Variants in CDK13 observed in about 807,000 individuals in gnomAD.
CDK13 encodes the protein cyclin-dependent kinase 13.
CDK13 carries 40 observed loss-of-function variants against 137.6 expected under a neutral mutation model. That is an observed-to-expected ratio of 0.29 (90% confidence interval 0.23 to 0.38). The LOEUF (loss-of-function observed/expected upper bound fraction) is 0.38. CDK13 is among the 10% of genes least tolerant of loss of function. The probability of loss-of-function intolerance (pLI) is 1.00; values close to 1 mark genes in which losing one functional copy is unlikely to be tolerated. For missense variants in CDK13, 1,704 were observed against 1,951.8 expected, an observed-to-expected ratio of 0.87 and a Z score of 2.39; for synonymous variants, 869 against 760.1, an observed-to-expected ratio of 1.14 and a Z score of -2.36.
intron 1 of CDK13, among the ~76,000 whole-genome samples, chr7:39,967,391 C>T (rs1034351975): frequency 2.6e-5 from 4 of 151,926 alleles, no homozygotes; most frequent in Admixed American, 2.6e-4. Flanking sequence ...CGCGCCACGC[C>T]TCTGCACTCC....
intron 1 of CDK13, among the ~76,000 whole-genome samples, chr7:39,973,496 A>G (rs1784043894): frequency 6.6e-6 from 1 of 152,118 alleles, no homozygotes; most frequent in South Asian, 2.1e-4. Flanking sequence ...AGTTTTTTAT[A>G]CTGTCTATTC....
chr7:40,004,176 A>G (rs904886432), intron 5 of CDK13, among the ~76,000 whole-genome samples: 7 of 152,246 alleles, frequency 4.6e-5, no homozygotes, highest in Middle Eastern at 6.8e-3. Context: ...ACTTGTGAAT[A>G]TATTAATAGT....
intron 1 of CDK13, chr7:39,985,818 G>A (rs1354794330): frequency 1.3e-5 from 2 of 152,234 alleles, no homozygotes; most frequent in Non-Finnish European, 2.9e-5. Flanking sequence ...ACTAGCAGCA[G>A]AGAAGCCCAA....
intron 5 of CDK13, among the ~76,000 whole-genome samples, chr7:40,033,616 T>C (rs1358115469): frequency 6.6e-6 from 1 of 152,178 alleles, no homozygotes; most frequent in African/African-American, 2.4e-5. Context: ...AGTGTTCATG[T>C]TTTTGTCTTC....
intron 5 of CDK13, among the ~76,000 whole-genome samples, chr7:40,003,200 ACACACACTCTCT>A (rs1314798477): frequency 0.086 from 7,391 of 85,862 alleles, 194 homozygotes; most frequent in East Asian, 0.14. Context: ...ACACACACAC[ACACACACTCTCT>A]CTCTCTCTCT....
intron 5 of CDK13, among the ~76,000 whole-genome samples, chr7:40,026,201 TA>T (rs1476388589): frequency 6.6e-6 from 1 of 152,220 alleles, no homozygotes; most frequent in African/African-American, 2.4e-5. Flanking sequence ...AAAAGAGAAA[TA>T]AATTCTGTGT....
chr7:39,974,954 G>A (rs1784075356), intron 1 of CDK13, among the ~76,000 whole-genome samples: 1 of 152,068 alleles, frequency 6.6e-6, no homozygotes, highest in Non-Finnish European at 1.5e-5. Context: ...GGACTTTCTT[G>A]TCTTGTTCCT....
chr7:39,994,497 C>T (rs1784523306), intron 2 of CDK13, among the ~76,000 whole-genome samples: 1 of 152,054 alleles, frequency 6.6e-6, no homozygotes, highest in South Asian at 2.1e-4. Context: ...TCTATATTGG[C>T]TCCCAAACTC....
chr7:40,073,869 C>A (rs1485011757), intron 9 of CDK13, among the ~76,000 whole-genome samples: 5 of 150,120 alleles, frequency 3.3e-5, no homozygotes, highest in Admixed American at 6.7e-5. Context: ...GGATTACAGG[C>A]GTGAGCAACC....
chr7:40,054,408 C>T (rs1303490727), intron 7 of CDK13, among the ~76,000 whole-genome samples: 2 of 151,374 alleles, frequency 1.3e-5, no homozygotes, highest in Non-Finnish European at 2.9e-5. Context: ...TAATTTTTCC[C>T]ATGAAAGTTA....
chr7:40,013,508 C>A (rs1461946073), intron 5 of CDK13, among the ~76,000 whole-genome samples: 1 of 152,142 alleles, frequency 6.6e-6, no homozygotes, highest in Non-Finnish European at 1.5e-5. Context: ...AAGCTAGTCA[C>A]AACAGACTAT....
At chr7:40,037,325 A>G (rs1367562580) in intron 5 of CDK13, among the ~76,000 whole-genome samples, 1 of 152,116 alleles carries the variant, frequency 6.6e-6, no homozygotes, top group African/African-American at 2.4e-5. Flanking sequence ...TTGTCGTTAG[A>G]AGGCTTGACT....
chr7:40,024,708 G>C (rs941714560), intron 5 of CDK13, among the ~76,000 whole-genome samples: 2 of 137,248 alleles, frequency 1.5e-5, no homozygotes, highest in Admixed American at 7.6e-5. Context: ...CTTTTGTCCA[G>C]GCTGGAGTGC....
intron 1 of CDK13, among the ~76,000 whole-genome samples, chr7:39,963,420 C>G: frequency 6.6e-6 from 1 of 152,124 alleles, no homozygotes; most frequent in East Asian, 1.9e-4. Context: ...ATTTGGCTCT[C>G]TGTTTGTCTG....
At chr7:40,071,621 T>C (rs779930725) in intron 9 of CDK13, 5 of 152,234 alleles carry the variant, frequency 3.3e-5, no homozygotes, top group African/African-American at 9.6e-5. Flanking sequence ...TTTTGTGATA[T>C]TATGCATTGG....
rs2116050022 is a variant in CDK13 at position 39,950,864 on chromosome 7, G to A, written c.223G>A (p.Ala75Thr). 7.3e-7 allele frequency: 1 copy of A among 1,369,972 alleles called. No individual in the cohort carries two copies. The highest frequency in any genetic ancestry group is 9.3e-7 in the Non-Finnish European group (1 of 1,072,842). 84.9% of individuals were successfully genotyped at this position (1,369,972 alleles called of 1,614,324 possible). ...GGCCGCCGCCGCAGCCGCCGCCGCC[G>A]CGGCCTCCTCCTCTTGCTTCAGCCC... ...GTAAAAAAAA[A>T]ASSSCFSPGP... Residue 75 changes from alanine to threonine, a missense_variant, in exon 1 of 14, where the codon GCG (alanine) becomes ACG (threonine). Physicochemically the swap from Ala to Thr is moderately conservative, Grantham distance 58. This residue lies in a region of CDK13 where 1,051 missense variants were observed against 931.0 expected (regional missense o/e 1.13). Coordinates refer to ENST00000181839, the MANE Select transcript of CDK13 (RefSeq NM_003718.5).
At chr7:40,080,546 A>G (rs913445367) in intron 11 of CDK13, among the ~76,000 whole-genome samples, 108 of 152,284 alleles carry the variant, frequency 7.1e-4, no homozygotes, top group Middle Eastern at 6.8e-3. Flanking sequence ...GGAGCCAAAA[A>G]GGATCTATTA....
chr7:40,088,197 CTGA>C lies in CDK13; in HGVS notation c.3107_3109del (p.Asp1036del), dbSNP rs1362258908. ...AGAAGACAGAAGCAGATGGGCATGA[CTGA>C]TGATGTTTCCACAATTAAAGCCCCC... is the stretch of plus-strand genomic sequence containing the variant. On this transcript the variant is annotated inframe_deletion, in exon 12 of 14. Transcript: ENST00000181839. 1.9e-6 allele frequency: 3 copies of C among 1,613,606 alleles called. No homozygotes were observed. The Admixed American group carries it at 5.0e-5, about 27-fold the overall frequency.
chr7:39,958,716 G>A (rs1158058595), intron 1 of CDK13, among the ~76,000 whole-genome samples: 1 of 151,572 alleles, frequency 6.6e-6, no homozygotes, highest in African/African-American at 2.4e-5. Context: ...TTTTTGCTAT[G>A]TGTGTATATC....
Sources: gnomAD v4.1 joint callset for allele counts (sites outside exome capture counted in the v4.1 genomes callset) on GRCh38, gnomAD v4.1.1 for gene constraint, gnomAD v4.1.1 regional missense constraint, MANE v1.5 for transcripts, NCBI Gene and HGNC (gene_info 2026-07-23, HGNC 2026-07-21) for gene names.